CLXN: variants seen among roughly 807,000 people sequenced by gnomAD.
CLXN encodes the protein calaxin.
the CLXN span, chr8:48,729,262 GGCCTGTAATCATA>G: frequency 1.2e-6 from 1 of 818,884 alleles, no homozygotes; most frequent in African/African-American, 1.7e-5. Context: ...TGGTGGCTCA[GGCCTGTAATCATA>G]GCACTTTGGG....
At chr8:48,724,865 C>A in the CLXN span, 1 of 1,350,132 alleles carries the variant, frequency 7.4e-7, no homozygotes, top group African/African-American at 1.4e-5. Context: ...ACAAAATATT[C>A]TGTATGTCTC....
At chr8:48,720,264 G>A in the CLXN span, among the ~76,000 whole-genome samples, 1 of 152,136 alleles carries the variant, frequency 6.6e-6, no homozygotes, top group African/African-American at 2.4e-5. Context: ...CATAAGGTCT[G>A]ACTGCCTGCG....
At chr8:48,713,000 A>C in the CLXN span, among the ~76,000 whole-genome samples, 2 of 151,870 alleles carry the variant, frequency 1.3e-5, no homozygotes, top group Non-Finnish European at 2.9e-5. Context: ...CAAAAAAAAA[A>C]AAAAAAAAAG....
At chr8:48,734,312 C>G in the CLXN span, among the ~76,000 whole-genome samples, 1 of 152,224 alleles carries the variant, frequency 6.6e-6, no homozygotes, top group Non-Finnish European at 1.5e-5. Flanking sequence ...TCTTCCTCAT[C>G]TAAACCATAC....
chr8:48,731,229 C>A, the CLXN span: 1 of 1,011,220 alleles, frequency 9.9e-7, no homozygotes, highest in Non-Finnish European at 1.3e-6. Context: ...TTTGTATATT[C>A]CAATGACACT....
At chr8:48,726,870 A>AATCTATCT in the CLXN span, among the ~76,000 whole-genome samples, 45,717 of 135,944 alleles carry the variant, frequency 0.34, 7,984 homozygotes, top group East Asian at 0.45. Context: ...TGCATCTATC[A>AATCTATCT]ATCTATCTAT....
the CLXN span, among the ~76,000 whole-genome samples, chr8:48,731,737 C>T: frequency 2.6e-5 from 4 of 152,094 alleles, no homozygotes; most frequent in Admixed American, 6.6e-5. Flanking sequence ...ATAGTATTAG[C>T]CAAGTTACTA....
the CLXN span, chr8:48,735,134 C>CA: frequency 6.2e-7 from 1 of 1,614,156 alleles, no homozygotes; most frequent in Non-Finnish European, 8.5e-7. Context: ...TCAGCTTCTG[C>CA]AGTTTCTTGC....
At chr8:48,724,694 G>A in the CLXN span, 2 of 1,465,846 alleles carry the variant, frequency 1.4e-6, no homozygotes. Flanking sequence ...AGCAATATGT[G>A]TGTGCCTCCT....
chr8:48,720,199 G>A, the CLXN span, among the ~76,000 whole-genome samples: 36 of 152,278 alleles, frequency 2.4e-4, no homozygotes, highest in Admixed American at 5.2e-4. Flanking sequence ...TGATCTCAGT[G>A]TACCTTGAAA....
chr8:48,728,185 C>T, the CLXN span, among the ~76,000 whole-genome samples: 3 of 152,210 alleles, frequency 2.0e-5, no homozygotes, highest in Admixed American at 2.0e-4. Flanking sequence ...CCAAGCTCCA[C>T]AAGCTGTGCT....
chr8:48,712,984 C>T, the CLXN span, among the ~76,000 whole-genome samples: 1 of 135,330 alleles, frequency 7.4e-6, no homozygotes, highest in African/African-American at 2.7e-5. Context: ...AGTGAGACTC[C>T]TCTGTCAAAA....
chr8:48,719,360 A>G, the CLXN span, among the ~76,000 whole-genome samples: 2,704 of 152,054 alleles, frequency 0.018, 32 homozygotes, highest in Middle Eastern at 0.044. Flanking sequence ...ATGAATACCA[A>G]TTCTTTTATT....
chr8:48,714,081 A>ACC, the CLXN span: 1 of 151,726 alleles, frequency 6.6e-6, no homozygotes, highest in Non-Finnish European at 1.5e-5. Context: ...GTCCTAACCC[A>ACC]CCCCCCCGAC....
At chr8:48,719,265 G>T in the CLXN span, among the ~76,000 whole-genome samples, 1 of 152,094 alleles carries the variant, frequency 6.6e-6, no homozygotes, top group Non-Finnish European at 1.5e-5. Flanking sequence ...TAAGGAAACT[G>T]AATCAGTAAT....
At chr8:48,725,766 T>A in the CLXN span, among the ~76,000 whole-genome samples, 2 of 151,852 alleles carry the variant, frequency 1.3e-5, no homozygotes, top group Non-Finnish European at 2.9e-5. Flanking sequence ...ATTGTGCCAT[T>A]GCACTGCAGC....
the CLXN span, among the ~76,000 whole-genome samples, chr8:48,723,153 GA>G: frequency 6.6e-6 from 1 of 152,210 alleles, no homozygotes; most frequent in African/African-American, 2.4e-5. Context: ...CACACAAAAA[GA>G]AAATGGTAAC....
chr8:48,720,830 C>T, the CLXN span, among the ~76,000 whole-genome samples: 5 of 152,170 alleles, frequency 3.3e-5, no homozygotes, highest in Non-Finnish European at 7.3e-5. Context: ...CATGGTCCTA[C>T]CAATATGTGA....
chr8:48,716,194 C>A, the CLXN span: 2 of 152,862 alleles, frequency 1.3e-5, no homozygotes, highest in African/African-American at 2.4e-5. Flanking sequence ...GGGGACCCAG[C>A]GCACCCTACG....
Sources: allele counts gnomAD v4.1 joint callset (sites outside exome capture counted in the v4.1 genomes callset), GRCh38; gene constraint gnomAD v4.1.1; transcripts MANE v1.5; gene names NCBI Gene and HGNC (gene_info 2026-07-23, HGNC 2026-07-21).